Variants in MPZL1 observed in about 807,000 individuals in gnomAD.
MPZL1 encodes myelin protein zero like 1, also known as myelin protein zero-like protein 1.
A neutral mutation model predicts 29.3 loss-of-function variants in MPZL1; 16 were observed. The ratio of observed to expected loss-of-function variants is 0.55; its 90% CI spans 0.37 to 0.83. MPZL1 has a LOEUF of 0.83. Ranked by LOEUF, MPZL1 falls within the 40% of genes least tolerant of loss-of-function variation. The pLI is 0.00. For missense variants in MPZL1, 279 were observed against 332.9 expected, an observed-to-expected ratio of 0.84 and a Z score of 1.26; for synonymous variants, 143 against 132.0, an observed-to-expected ratio of 1.08 and a Z score of -0.57.
chr1:167,749,675 C>G (rs1660717193), intron 1 of MPZL1, among the ~76,000 whole-genome samples: 1 of 152,170 alleles, frequency 6.6e-6, no homozygotes, highest in African/African-American at 2.4e-5. Flanking sequence ...AAAAGAACTT[C>G]AGAATTGTTT....
intron 5 of MPZL1, among the ~76,000 whole-genome samples, chr1:167,783,686 T>C (rs1661538010): frequency 6.6e-6 from 1 of 152,214 alleles, no homozygotes; most frequent in Admixed American, 6.5e-5. Context: ...TCAAGGTCAG[T>C]AGTTAGTGGC....
intron 1 of MPZL1, among the ~76,000 whole-genome samples, chr1:167,723,857 T>A (rs1050739047): frequency 6.6e-6 from 1 of 152,258 alleles, no homozygotes. Context: ...TTTCTGGTCA[T>A]GGATACTGCA....
intron 1 of MPZL1, among the ~76,000 whole-genome samples, chr1:167,746,879 A>G (rs1370637652): frequency 6.6e-6 from 1 of 152,250 alleles, no homozygotes; most frequent in Non-Finnish European, 1.5e-5. Context: ...AATTTAAGAA[A>G]AAATAAGTTT....
At chr1:167,763,963 T>C (rs138069848) in intron 1 of MPZL1, among the ~76,000 whole-genome samples, 33 of 152,278 alleles carry the variant, frequency 2.2e-4, no homozygotes, top group Non-Finnish European at 4.1e-4. Flanking sequence ...TTGGGAGGAA[T>C]GGGGGAGTAC....
chr1:167,737,539 T>C (rs1474045109), intron 1 of MPZL1, among the ~76,000 whole-genome samples: 1 of 152,212 alleles, frequency 6.6e-6, no homozygotes, highest in Non-Finnish European at 1.5e-5. Flanking sequence ...CAGATCGGGT[T>C]GTTAGTACAT....
rs771492262 is a variant in MPZL1 at position 167,773,220 on chromosome 1, T to C, written c.473-16T>C. ...GTAGCAATGTACCTTAAAACTATTT[T>C]GTTCTTTCTCTCTAGAGAATTTGCC... On this transcript the variant is annotated splice_polypyrimidine_tract_variant and intron_variant, in intron 3 of 5. Transcript: ENST00000359523. 51 of 1,606,962 alleles carry C rather than the reference T, an allele frequency of 3.2e-5. No individual in the cohort carries two copies. The South Asian group carries it at 5.1e-4, about 16-fold the overall frequency.
chr1:167,754,321 A>G (rs928091814), intron 1 of MPZL1, among the ~76,000 whole-genome samples: 6 of 152,170 alleles, frequency 3.9e-5, no homozygotes, highest in South Asian at 4.1e-4. Context: ...AGAGCTTCCA[A>G]ATGCTTAGTG....
At chr1:167,744,612 G>A (rs1319135417) in intron 1 of MPZL1, among the ~76,000 whole-genome samples, 1 of 150,470 alleles carries the variant, frequency 6.6e-6, no homozygotes, top group East Asian at 2.0e-4. Context: ...TGAACCCGGG[G>A]GTCAGAGGTT....
chr1:167,739,288 T>TACATATATATATATATATAC (rs1553254294), intron 1 of MPZL1, among the ~76,000 whole-genome samples: 1 of 108,306 alleles, frequency 9.2e-6, no homozygotes, highest in South Asian at 2.5e-4. Context: ...TATACATATA[T>TACATATATATATATATATAC]ATATATATAT....
At chr1:167,743,223 T>C (rs1000656666) in intron 1 of MPZL1, among the ~76,000 whole-genome samples, 3 of 151,994 alleles carry the variant, frequency 2.0e-5, no homozygotes, top group Non-Finnish European at 4.4e-5. Context: ...ACTTTTTTTT[T>C]TTCTTCGAGA....
chr1:167,755,192 A>C (rs181131454), intron 1 of MPZL1, among the ~76,000 whole-genome samples: 2 of 152,100 alleles, frequency 1.3e-5, no homozygotes, highest in African/African-American at 4.8e-5. Context: ...ATTTTTAAAA[A>C]TTTTTTGCTG....
chr1:167,755,124 T>C (rs1455630346), intron 1 of MPZL1, among the ~76,000 whole-genome samples: 1 of 152,228 alleles, frequency 6.6e-6, no homozygotes, highest in Non-Finnish European at 1.5e-5. Flanking sequence ...ATTATTATAA[T>C]ATCATATAGA....
At chr1:167,758,576 T>A (rs990569770) in intron 1 of MPZL1, among the ~76,000 whole-genome samples, 2 of 152,194 alleles carry the variant, frequency 1.3e-5, no homozygotes, top group African/African-American at 2.4e-5. Context: ...CCATCCAAAT[T>A]GTAAGAATAT....
At position 167,722,068 on chromosome 1, in the gene MPZL1, C is replaced by A. The variant is rs1660039455; in HGVS notation, c.-84C>A. 1.6e-6 allele frequency: 2 copies of A among 1,230,108 alleles called. No homozygotes were observed. The highest frequency in any genetic ancestry group is 1.6e-5 in the African/African-American group (1 of 64,254). The allele number at this position is 1,230,108 out of a possible 1,614,324, so 76.2% of individuals were successfully genotyped here. On this transcript the variant is annotated 5_prime_UTR_variant, in exon 1 of 6. Transcript: ENST00000359523. Reference sequence around the variant, plus strand: ...GCGCGGGTGGCGGAGAGATCAGAAGCCTCTTCCCCAAGCCGAGCCAACCTC... The same window carrying A: ...GCGCGGGTGGCGGAGAGATCAGAAGACTCTTCCCCAAGCCGAGCCAACCTC...
chr1:167,775,168 T>A (rs909724633), intron 4 of MPZL1, among the ~76,000 whole-genome samples: 1 of 152,210 alleles, frequency 6.6e-6, no homozygotes, highest in African/African-American at 2.4e-5. Flanking sequence ...CCTGACTGAT[T>A]ATGTATTAGA....
intron 1 of MPZL1, among the ~76,000 whole-genome samples, chr1:167,761,294 A>G (rs1411322418): frequency 6.6e-6 from 1 of 152,186 alleles, no homozygotes; most frequent in Non-Finnish European, 1.5e-5. Flanking sequence ...GTATGTTTAT[A>G]TTGCTGCTGG....
intron 1 of MPZL1, among the ~76,000 whole-genome samples, chr1:167,734,160 G>A (rs540362588): frequency 2.0e-5 from 3 of 151,944 alleles, no homozygotes; most frequent in African/African-American, 7.2e-5. Context: ...GGAGGCTGAG[G>A]CAGGAGAATG....
At chr1:167,739,027 C>A (rs958903189) in intron 1 of MPZL1, among the ~76,000 whole-genome samples, 2 of 151,864 alleles carry the variant, frequency 1.3e-5, no homozygotes, top group African/African-American at 4.8e-5. Context: ...ACTGCAACCT[C>A]CACCTCCAGG....
At chr1:167,744,146 C>T (rs553911662) in intron 1 of MPZL1, among the ~76,000 whole-genome samples, 5 of 152,068 alleles carry the variant, frequency 3.3e-5, no homozygotes, top group Admixed American at 2.6e-4. Flanking sequence ...TCTTTGAAGT[C>T]GGTACTATTA....
Sources: allele counts gnomAD v4.1 joint callset (sites outside exome capture counted in the v4.1 genomes callset), GRCh38; gene constraint gnomAD v4.1.1; transcripts MANE v1.5; gene names NCBI Gene and HGNC (gene_info 2026-07-23, HGNC 2026-07-21).